The following FBXL7 variants were observed in gnomAD, a reference collection of about 807,000 sequenced individuals.
FBXL7 encodes F-box and leucine rich repeat protein 7, also known as F-box/LRR-repeat protein 7.
A neutral mutation model predicts 38.3 loss-of-function variants in FBXL7; 12 were observed. The ratio of observed to expected loss-of-function variants is 0.31; its 90% CI spans 0.20 to 0.51. The LOEUF (loss-of-function observed/expected upper bound fraction) is 0.51. FBXL7 is among the 20% of genes least tolerant of loss of function. The probability of loss-of-function intolerance (pLI) is 0.98; values close to 1 mark genes in which losing one functional copy is unlikely to be tolerated. For synonymous variants in FBXL7, 297 were observed against 300.9 expected (o/e 0.99, Z 0.13); for missense variants, 567 against 676.4 (o/e 0.84, Z 1.79).
intron 1 of FBXL7, among the ~76,000 whole-genome samples, chr5:15,580,046 C>T (rs1309560685): frequency 1.3e-5 from 2 of 152,192 alleles, no homozygotes; most frequent in East Asian, 3.9e-4. Context: ...TGTTTAAGCT[C>T]TAACCCCCAA....
intron 2 of FBXL7, among the ~76,000 whole-genome samples, chr5:15,920,596 C>G (rs908478046): frequency 6.6e-6 from 1 of 152,092 alleles, no homozygotes; most frequent in Non-Finnish European, 1.5e-5. Context: ...TCTCGGCTCA[C>G]TGCAACCTCC....
intron 2 of FBXL7, among the ~76,000 whole-genome samples, chr5:15,625,487 T>C (rs62347914): frequency 1.1e-3 from 167 of 152,244 alleles, no homozygotes; most frequent in Non-Finnish European, 1.8e-3. Flanking sequence ...ACCCCGTCTC[T>C]ACTAAAAATA....
At chr5:15,640,337 C>T (rs1381451323) in intron 2 of FBXL7, among the ~76,000 whole-genome samples, 1 of 152,054 alleles carries the variant, frequency 6.6e-6, no homozygotes. Context: ...GTCCCTGTGT[C>T]CTTCATCACA....
intron 2 of FBXL7, among the ~76,000 whole-genome samples, chr5:15,818,265 G>A (rs1738073818): frequency 6.6e-6 from 1 of 152,136 alleles, no homozygotes; most frequent in African/African-American, 2.4e-5. Flanking sequence ...AGATACAGTG[G>A]CTTTTTCCTC....
intron 2 of FBXL7, among the ~76,000 whole-genome samples, chr5:15,886,219 G>A (rs983636115): frequency 6.6e-6 from 1 of 152,096 alleles, no homozygotes; most frequent in African/African-American, 2.4e-5. Context: ...AGGTGTGTGT[G>A]TGTGTGTGTG....
chr5:15,576,283 C>T (rs2126460356), intron 1 of FBXL7, among the ~76,000 whole-genome samples: 1 of 151,760 alleles, frequency 6.6e-6, no homozygotes, highest in South Asian at 2.1e-4. Flanking sequence ...GGGGTTTCTC[C>T]ATGTTGGTCT....
chr5:15,717,054 GGT>G (rs1358571862), intron 2 of FBXL7, among the ~76,000 whole-genome samples: 1 of 152,038 alleles, frequency 6.6e-6, no homozygotes, highest in Non-Finnish European at 1.5e-5. Flanking sequence ...TTTTAGCTTT[GGT>G]ATGACTTTAC....
intron 1 of FBXL7, among the ~76,000 whole-genome samples, chr5:15,542,776 C>T (rs1737791768): frequency 6.6e-6 from 1 of 152,172 alleles, no homozygotes; most frequent in Non-Finnish European, 1.5e-5. Context: ...AAATTCCTTT[C>T]CTGCTTTTAA....
rs553223711 is a variant in FBXL7 at position 15,528,245 on chromosome 5, C to A, written c.37+27532C>A. On this transcript the variant is annotated intron_variant, in intron 1 of 3. Coordinates refer to ENST00000504595, the MANE Select transcript of FBXL7 (RefSeq NM_012304.5). ...ACTTCTCCTATGGACCCAGGAGTTT[C>A]TCTTCAGCTCATTTACGTAGGATAT... 2.0e-5 allele frequency among the ~76,000 whole-genome samples: 3 copies of A among 152,272 alleles called. No homozygotes were observed. In the East Asian group the frequency reaches 5.8e-4, roughly 29 times the overall value.
intron 2 of FBXL7, among the ~76,000 whole-genome samples, chr5:15,721,733 C>G (rs933434248): frequency 6.6e-6 from 1 of 152,056 alleles, no homozygotes; most frequent in African/African-American, 2.4e-5. Context: ...CATATTGCCT[C>G]TATTTCCTCA....
At chr5:15,747,726 T>A (rs963784410) in intron 2 of FBXL7, among the ~76,000 whole-genome samples, 2 of 152,182 alleles carry the variant, frequency 1.3e-5, no homozygotes, top group Middle Eastern at 3.2e-3. Flanking sequence ...CTGCCTGATG[T>A]AGAGCCATAA....
At chr5:15,503,937 G>A (rs555106390) in intron 1 of FBXL7, among the ~76,000 whole-genome samples, 3 of 152,144 alleles carry the variant, frequency 2.0e-5, no homozygotes, top group Non-Finnish European at 4.4e-5. Flanking sequence ...TTCTGCTCTT[G>A]GAAAATACCT....
At chr5:15,734,339 C>G (rs1295065185) in intron 2 of FBXL7, among the ~76,000 whole-genome samples, 1 of 152,324 alleles carries the variant, frequency 6.6e-6, no homozygotes, top group Middle Eastern at 3.4e-3. Flanking sequence ...ACATACTGCT[C>G]CTCTGGGGCT....
chr5:15,702,360 A>G (rs7733676), intron 2 of FBXL7, among the ~76,000 whole-genome samples: 18,598 of 152,208 alleles, frequency 0.12, 1,238 homozygotes, highest in South Asian at 0.17. Flanking sequence ...CAAAGACCCA[A>G]TGCACTCAAA....
chr5:15,786,791 G>C (rs1465745286), intron 2 of FBXL7, among the ~76,000 whole-genome samples: 1 of 152,148 alleles, frequency 6.6e-6, no homozygotes, highest in Non-Finnish European at 1.5e-5. Context: ...TGTAATGAGT[G>C]AACGACGCCT....
At chr5:15,636,985 C>T (rs1440227746) in intron 2 of FBXL7, among the ~76,000 whole-genome samples, 3 of 151,950 alleles carry the variant, frequency 2.0e-5, no homozygotes, top group Non-Finnish European at 4.4e-5. Context: ...TTGTGAGTAT[C>T]AAGTCTATGA....
chr5:15,774,410 G>T (rs1395106302), intron 2 of FBXL7, among the ~76,000 whole-genome samples: 3 of 152,146 alleles, frequency 2.0e-5, no homozygotes, highest in Admixed American at 6.6e-5. Flanking sequence ...CTTTGGTGGA[G>T]GGTGGGGGGG....
intron 1 of FBXL7, among the ~76,000 whole-genome samples, chr5:15,604,329 T>C (rs921219343): frequency 6.6e-6 from 1 of 152,216 alleles, no homozygotes; most frequent in African/African-American, 2.4e-5. Context: ...TGTGGAATGA[T>C]TGCTGATCAA....
intron 3 of FBXL7, among the ~76,000 whole-genome samples, chr5:15,929,806 G>A (rs893475424): frequency 6.6e-5 from 10 of 151,970 alleles, no homozygotes; most frequent in Admixed American, 5.2e-4. Context: ...ATGAACATTC[G>A]AGAGGCTGAA....
Sources: allele counts gnomAD v4.1 joint callset (sites outside exome capture counted in the v4.1 genomes callset), GRCh38; gene constraint gnomAD v4.1.1; transcripts MANE v1.5; gene names NCBI Gene and HGNC (gene_info 2026-07-23, HGNC 2026-07-21).